The following SCN3A variants were observed in gnomAD, a reference collection of about 807,000 sequenced individuals.
SCN3A encodes sodium channel protein type 3 subunit alpha.
Under a neutral mutation model 187.6 loss-of-function variants are expected in SCN3A, and 60 were observed. The observed-to-expected ratio is 0.32, with a 90% CI of 0.26 to 0.40. The LOEUF (loss-of-function observed/expected upper bound fraction) is 0.40. Ranked by LOEUF, SCN3A falls within the 10% of genes least tolerant of loss-of-function variation. The pLI is 1.00. For missense variants in SCN3A, 1,601 were observed against 2,428.2 expected, an observed-to-expected ratio of 0.66 and a Z score of 7.16; for synonymous variants, 788 against 829.2, an observed-to-expected ratio of 0.95 and a Z score of 0.85.
At chr2:165,113,710 A>G in intron 20 of SCN3A, 106 bp downstream of exon 20, 2 of 1,234,608 alleles carry the variant, frequency 1.6e-6, no homozygotes, top group Non-Finnish European at 2.4e-6. Flanking sequence ...CAAGACACAG[A>G]TATGCCTTTT....
rs747955247 is a variant in SCN3A, at chr2:165,097,279, G to A, written c.4212C>T (p.Gly1404=). 62 of 1,613,814 alleles carry A rather than the reference G, an allele frequency of 3.8e-5. No individual in the cohort carries two copies. Among genetic ancestry groups the A allele is most frequent in the Admixed American group, 1.8e-4 (11 of 59,960 alleles). Residue 1404 remains glycine (G), a synonymous_variant, in exon 23 of 28, where the codon GGC becomes GGT. Transcript: ENST00000283254. ...KNVKVNFDNV[G]AGYLALLQVA... is the part of the protein sequence containing the mutation. ...CTTGAAGCAGTGCAAGATAGCCAGC[G>A]CCAACATTATCAAAGTTTACTTTCA...
chr2:165,120,897 C>T (rs757036799), intron 18 of SCN3A, among the ~76,000 whole-genome samples: 25 of 151,584 alleles, frequency 1.6e-4, no homozygotes, highest in Admixed American at 2.6e-4. Context: ...ACAACATCCC[C>T]GGAGCTTCTT....
chr2:165,184,788 A>G (rs1299861762), intron 2 of SCN3A, among the ~76,000 whole-genome samples: 1 of 152,144 alleles, frequency 6.6e-6, no homozygotes, highest in Non-Finnish European at 1.5e-5. Flanking sequence ...TAAATTAAAA[A>G]CCTAGGCTAG....
chr2:165,169,904 A>G (rs1479655302), intron 4 of SCN3A, among the ~76,000 whole-genome samples: 3 of 151,868 alleles, frequency 2.0e-5, no homozygotes, highest in Non-Finnish European at 4.4e-5. Flanking sequence ...ATGAGCACAT[A>G]GTAAGAGTCT....
At chr2:165,130,811 A>C (rs1231595410) in intron 16 of SCN3A, among the ~76,000 whole-genome samples, 1 of 152,178 alleles carries the variant, frequency 6.6e-6, no homozygotes, top group African/African-American at 2.4e-5. Flanking sequence ...GTGATAATTC[A>C]AAAAGTTTTT....
chr2:165,114,003 AT>A, intron 19 of SCN3A, 33 bp from the exon 20 acceptor site: 5 of 1,365,426 alleles, frequency 3.7e-6, no homozygotes, highest in Non-Finnish European at 4.0e-6. Context: ...TAAAAAATAT[AT>A]TTTAATCTTA....
In SCN3A at chr2:165,146,980, C is replaced by T; in HGVS notation, c.1430G>A (p.Gly477Glu). 6.2e-7 allele frequency: 1 copy of T among 1,614,068 alleles called. No homozygotes were observed. Among genetic ancestry groups the T allele is most frequent in the Non-Finnish European group, 8.5e-7 (1 of 1,179,960 alleles). Residue 477 changes from glycine (G) to glutamate (E), a missense_variant, in exon 12 of 28, where the codon GGG becomes GAG. Around this residue, in one of 11 missense-constraint regions of SCN3A, gnomAD observed 376 missense variants for 476.0 expected, o/e 0.79. Transcript: ENST00000283254. ...AASRDFSGIG[G>E]LGELLESSSE... ...AGAACTTTCCAACAGCTCTCCTAAC[C>T]CACCTATTCCACTGAAATCTCTTGA...
At chr2:165,179,197 T>C (rs1690670516) in intron 2 of SCN3A, among the ~76,000 whole-genome samples, 2 of 152,124 alleles carry the variant, frequency 1.3e-5, no homozygotes, top group Non-Finnish European at 2.9e-5. Context: ...TTATTGACAA[T>C]GAATGAAAAA....
intron 18 of SCN3A, among the ~76,000 whole-genome samples, chr2:165,119,028 C>G (rs952826073): frequency 6.6e-6 from 1 of 152,108 alleles, no homozygotes; most frequent in Non-Finnish European, 1.5e-5. Context: ...TCCCAAAGTG[C>G]TGGGATTACA....
In SCN3A at chr2:165,154,344, AT is replaced by A. The variant is rs77984476; in HGVS notation, c.1380+107del. 0.047 allele frequency: 55,714 copies of A among 1,187,026 alleles called. 6,484 individuals are homozygous for A. Among genetic ancestry groups the A allele is most frequent in the East Asian group, 0.43 (16,685 of 39,034 alleles). The allele number at this position is 1,187,026 out of a possible 1,614,324, so 73.5% of individuals were successfully genotyped here. A position where few individuals can be genotyped will look rare whatever the true frequency, so the allele number is the denominator to read the frequency against. On this transcript the variant is annotated intron_variant, in intron 11 of 27. Transcript: ENST00000283254. ...ACTTTTTTTTCTAATGACAATGCCT[AT>A]ATATAAAATGAAAAAGCAGTTCCAA...
chr2:165,124,501 C>A (rs965674582), intron 18 of SCN3A, among the ~76,000 whole-genome samples: 1 of 151,826 alleles, frequency 6.6e-6, no homozygotes, highest in South Asian at 2.1e-4. Flanking sequence ...TCTCTTTTTT[C>A]TTTCACTTTA....
At chr2:165,142,999 G>C (rs539697300) in intron 12 of SCN3A, among the ~76,000 whole-genome samples, 1 of 152,102 alleles carries the variant, frequency 6.6e-6, no homozygotes, top group Admixed American at 6.5e-5. Flanking sequence ...TGATCTGCCC[G>C]CCCTGGCCTC....
At chr2:165,109,472 C>G (rs2105695482) in intron 21 of SCN3A, among the ~76,000 whole-genome samples, 1 of 152,262 alleles carries the variant, frequency 6.6e-6, no homozygotes, top group African/African-American at 2.4e-5. Flanking sequence ...CCTACCCTGC[C>G]AAATCTTTTT....
chr2:165,178,215 C>G (rs1268310622), intron 2 of SCN3A, among the ~76,000 whole-genome samples: 1 of 151,970 alleles, frequency 6.6e-6, no homozygotes, highest in Non-Finnish European at 1.5e-5. Context: ...TATAACATTA[C>G]TTATTATATT....
chr2:165,111,744 C>T (rs527725783), intron 21 of SCN3A, among the ~76,000 whole-genome samples: 2 of 152,210 alleles, frequency 1.3e-5, no homozygotes, highest in East Asian at 3.9e-4. Flanking sequence ...ACTCTAGCTG[C>T]GGAATGTGAA....
chr2:165,198,561 T>G (rs1412271957), intron 1 of SCN3A, among the ~76,000 whole-genome samples: 1 of 152,002 alleles, frequency 6.6e-6, no homozygotes, highest in African/African-American at 2.4e-5. Flanking sequence ...TACTAACAAT[T>G]TGGATTTTTC....
intron 12 of SCN3A, among the ~76,000 whole-genome samples, chr2:165,142,192 A>C (rs1437843076): frequency 6.6e-6 from 1 of 152,196 alleles, no homozygotes; most frequent in East Asian, 1.9e-4. Flanking sequence ...ATATGTCAGC[A>C]GCAAACATTC....
intron 1 of SCN3A, chr2:165,195,699 A>G (rs1691906975): frequency 6.6e-6 from 1 of 152,114 alleles, no homozygotes; most frequent in Non-Finnish European, 1.5e-5. Flanking sequence ...CACCACTATC[A>G]TAGATTTAAT....
chr2:165,198,697 C>A (rs1033783605), intron 1 of SCN3A, among the ~76,000 whole-genome samples: 1 of 152,016 alleles, frequency 6.6e-6, no homozygotes, highest in South Asian at 2.1e-4. Flanking sequence ...TTACTGCTTT[C>A]TCTTACCTAC....
Sources: allele counts gnomAD v4.1 joint callset (sites outside exome capture counted in the v4.1 genomes callset), GRCh38; gene constraint gnomAD v4.1.1; regional missense constraint gnomAD v4.1.1; transcripts MANE v1.5; gene names NCBI Gene and HGNC (gene_info 2026-07-23, HGNC 2026-07-21).